The following DOK2 variants were observed in gnomAD, a reference collection of about 807,000 sequenced individuals.
The protein encoded by DOK2 is docking protein 2, also known as docking protein 2, 56kD.
In DOK2, 28 loss-of-function variants were observed where a neutral mutation model predicts 26.0. The observed-to-expected ratio is 1.08, with a 90% CI of 0.80 to 1.48. The LOEUF (loss-of-function observed/expected upper bound fraction) is 1.48. DOK2 is among the 40% of genes most tolerant of loss of function. DOK2 has a pLI of 0.00. For missense variants in DOK2, 682 were observed against 558.2 expected, an observed-to-expected ratio of 1.22 and a Z score of -2.23; for synonymous variants, 282 against 236.9, an observed-to-expected ratio of 1.19 and a Z score of -1.75.
chr8:21,910,033 G>A, intron 4 of DOK2, 102 bp from the exon 5 acceptor site: 1 of 1,334,366 alleles, frequency 7.5e-7, no homozygotes, highest in Non-Finnish European at 1.0e-6. Flanking sequence ...CCAGGCTGGA[G>A]TGCAGTGGCA....
rs376128734 is a variant in DOK2 at position 21,910,660 on chromosome 8, G to A, written c.618+13C>T. The A allele has an allele frequency of 6.2e-7, 1 of 1,613,610 alleles. No homozygotes were observed. Among genetic ancestry groups the A allele is most frequent in the Middle Eastern group, 1.6e-4 (1 of 6,062 alleles). On this transcript the variant is annotated intron_variant, in intron 4 of 4. Coordinates refer to ENST00000276420, the MANE Select transcript of DOK2 (RefSeq NM_003974.4). Reference sequence around the variant, plus strand: ...CTTTCTCTCAACCTGCCCTGATGCAGCTTCCCACTCACCTTGTCCCGCCCA... The same window carrying A: ...CTTTCTCTCAACCTGCCCTGATGCAACTTCCCACTCACCTTGTCCCGCCCA...
chr8:21,911,816 C>T, intron 3 of DOK2, 85 bp downstream of exon 3: 1 of 1,379,002 alleles, frequency 7.3e-7, no homozygotes, highest in Non-Finnish European at 9.7e-7. Context: ...GACTCGGGGC[C>T]AGCAGCTAGC....
chr8:21,909,905 A>G lies in DOK2; in HGVS notation c.645T>C (p.Arg215=). 1 of 1,611,704 alleles carries G rather than the reference A, an allele frequency of 6.2e-7. No homozygotes were observed. The highest frequency in any genetic ancestry group is 8.5e-7 in the Non-Finnish European group (1 of 1,179,548). The stretch of plus-strand genomic sequence containing the variant: ...AGTTGCCCTCTCCAGAGACGCAGCG[A>G]CGGCCTGCCTCAAAGGAAAAGGTTA... The part of the protein sequence containing the change: ...DKVTFSFEAG[R]RCVSGEGNFE... Residue 215 remains arginine (R), a synonymous_variant, in exon 5 of 5, where the codon CGT becomes CGC. Transcript: ENST00000276420.
rs1319734118 is a variant in DOK2, at chr8:21,912,390, G to C, written c.184C>G (p.Leu62Val). 1.2e-6 allele frequency: 2 copies of C among 1,600,184 alleles called. No individual in the cohort carries two copies. Among genetic ancestry groups the C allele is most frequent in the Non-Finnish European group, 1.7e-6 (2 of 1,175,168 alleles). Residue 62 changes from leucine to valine, a missense_variant, in exon 2 of 5, where the codon CTC (leucine) becomes GTC (valine). Transcript: ENST00000276420. The stretch of plus-strand genomic sequence containing the variant: ...TCGGCCACCCGCAGGCAGTCACTGA[G>C]GCGGATGACCTTCCGGGCAGCCTCA... Reference protein sequence around the residue: ...RCEAARKVIRLSDCLRVAEAG... With the variant: ...RCEAARKVIRVSDCLRVAEAG...
Position 21,910,817 on chromosome 8 carries a change from T to A in DOK2, c.474A>T (p.Thr158=). 1.2e-6 allele frequency: 2 copies of A among 1,613,596 alleles called. No individual in the cohort carries two copies. Among genetic ancestry groups the A allele is most frequent in the Non-Finnish European group, 1.7e-6 (2 of 1,179,756 alleles). ...GCAGGTGGCACCTCTCACTGGCTTC[T>A]GTAGGTCTCATGGTCACAGCAAATT... is the stretch of plus-strand genomic sequence containing the variant. ...HKEFAVTMRP[T]EASERCHLRG... is the part of the protein sequence containing the mutation. The change falls in exon 4 of 5, where the codon ACA becomes ACT. Residue 158 remains threonine, a synonymous_variant. Transcript: ENST00000276420.
At chr8:21,911,862 A>G in intron 3 of DOK2, 39 bp downstream of exon 3, 1 of 1,528,324 alleles carries the variant, frequency 6.5e-7, no homozygotes, top group African/African-American at 1.4e-5. Flanking sequence ...CCCTGGGGAG[A>G]GCCCCCAGGG....
intron 3 of DOK2, chr8:21,911,061 A>C: frequency 1.0e-5 from 6 of 592,738 alleles, no homozygotes; most frequent in African/African-American, 1.9e-5. Flanking sequence ...TCCACCCCCT[A>C]CCCTAGTAGG....
intron 3 of DOK2, among the ~76,000 whole-genome samples, chr8:21,911,654 C>T (rs184300720): frequency 9.3e-4 from 142 of 152,194 alleles, no homozygotes; most frequent in African/African-American, 3.3e-3. Flanking sequence ...CCAGCCTTCC[C>T]CTCTCCCACC....
In DOK2 at chr8:21,912,409, A is replaced by G; in HGVS notation, c.165T>C (p.Ala55=). Residue 55 remains alanine, a synonymous_variant, in exon 2 of 5, where the codon GCT becomes GCC. Coordinates refer to ENST00000276420, the MANE Select transcript of DOK2 (RefSeq NM_003974.4). ...CACTGAGGCGGATGACCTTCCGGGC[A>G]GCCTCACACCGACGAGGCTTCTCCG... ...EGPEKPRRCE[A]ARKVIRLSDC... 8 of 1,590,652 alleles carry G rather than the reference A, an allele frequency of 5.0e-6. No individual in the cohort carries two copies. The highest frequency in any genetic ancestry group is 6.8e-6 in the Non-Finnish European group (8 of 1,170,296).
chr8:21,912,092 A>C, intron 2 of DOK2, 104 bp from the exon 3 acceptor site: 1 of 1,476,218 alleles, frequency 6.8e-7, no homozygotes, highest in Non-Finnish European at 9.0e-7. Context: ...CTGTCTGCAC[A>C]CTGGGTTCGG....
chr8:21,909,054 G>A lies in DOK2; in HGVS notation c.*257C>T. 2.5e-6 allele frequency: 1 copy of A among 394,420 alleles called. No individual in the cohort carries two copies. 24.4% of individuals were successfully genotyped at this position (394,420 alleles called of 1,614,324 possible). ...TTGTCCTCTGCCCTAAATGCCCCAG[G>A]TTCCTCCTCAGCTGGGGAAAGAAAG... On this transcript the variant is annotated 3_prime_UTR_variant, in exon 5 of 5. Coordinates refer to ENST00000276420, the MANE Select transcript of DOK2 (RefSeq NM_003974.4).
In DOK2 at chr8:21,909,444, C is replaced by T. The variant is rs1376474759; in HGVS notation, c.1106G>A (p.Arg369Lys). The change falls in exon 5 of 5, where the codon AGG (arginine) becomes AAG (lysine). Residue 369 changes from arginine (R) to lysine (K), a missense_variant. Arg to Lys is a conservative substitution (Grantham distance 26, BLOSUM62 2). Coordinates refer to ENST00000276420, the MANE Select transcript of DOK2 (RefSeq NM_003974.4). ...SPQEPRGEAW[R>K]RQATADRDPA... is the part of the protein sequence containing the mutation. ...GTCCCTGTCAGCTGTCGCCTGCCTC[C>T]TCCATGCCTCACCCCGGGGCTCCTG... The T allele has an allele frequency of 6.8e-6, 11 of 1,613,294 alleles. No homozygotes were observed. Among genetic ancestry groups the T allele is most frequent in the Non-Finnish European group, 8.5e-6 (10 of 1,179,506 alleles).
In DOK2 at chr8:21,909,445, T is replaced by C. The variant is rs771624166; in HGVS notation, c.1105A>G (p.Arg369Gly). The C allele has an allele frequency of 4.3e-6, 7 of 1,613,362 alleles. No individual in the cohort carries two copies. The highest frequency in any genetic ancestry group is 5.1e-6 in the Non-Finnish European group (6 of 1,179,494). Residue 369 changes from arginine (R) to glycine (G), a missense_variant, in exon 5 of 5, where the codon AGG (arginine) becomes GGG (glycine). Transcript: ENST00000276420. ...TCCCTGTCAGCTGTCGCCTGCCTCCTCCATGCCTCACCCCGGGGCTCCTGC... is the reference window on the plus strand; with the variant it reads ...TCCCTGTCAGCTGTCGCCTGCCTCCCCCATGCCTCACCCCGGGGCTCCTGC... ...SPQEPRGEAW[R>G]RQATADRDPA... is the part of the protein sequence containing the mutation.
At chr8:21,911,111 A>C (rs937525211) in intron 3 of DOK2, 6 of 501,774 alleles carry the variant, frequency 1.2e-5, no homozygotes, top group Admixed American at 1.1e-4. Flanking sequence ...CCTCGTGCCC[A>C]CATCCTTCCT....
In DOK2 at chr8:21,912,327, C is replaced by T; in HGVS notation, c.247G>A (p.Ala83Thr). The T allele has an allele frequency of 6.2e-7, 1 of 1,607,260 alleles. No individual in the cohort carries two copies. Among genetic ancestry groups the T allele is most frequent in the Non-Finnish European group, 8.5e-7 (1 of 1,178,364 alleles). Residue 83 changes from alanine (A) to threonine (T), a missense_variant, in exon 2 of 5, where the codon GCC (alanine) becomes ACC (threonine). By Grantham distance (58) the Ala-to-Thr change is moderately conservative. Coordinates refer to ENST00000276420, the MANE Select transcript of DOK2 (RefSeq NM_003974.4). ...CGCTCCTTGGTCTCCAGGAAGAAGGCACTGGTGTCCCGGGGGCTGCTGGCC... is the reference window on the plus strand; with the variant it reads ...CGCTCCTTGGTCTCCAGGAAGAAGGTACTGGTGTCCCGGGGGCTGCTGGCC... ...GEASSPRDTSAFFLETKERLY... is the reference protein window; with the variant it reads ...GEASSPRDTSTFFLETKERLY...
rs1430175757 is a variant in DOK2 at position 21,910,524 on chromosome 8, C to T, written c.618+149G>A. On this transcript the variant is annotated intron_variant, in intron 4 of 4. Transcript: ENST00000276420. ...CCACCTCTTCTCATTCTCCTTCCTT[C>T]TACTCCACTTCTGCCATCTTGTCAC... is the stretch of plus-strand genomic sequence containing the variant. 2.9e-6 allele frequency: 3 copies of T among 1,032,450 alleles called. No homozygotes were observed. The East Asian group carries it at 7.8e-5, about 27-fold the overall frequency. The allele number at this position is 1,032,450 out of a possible 1,614,324, so 64.0% of individuals were successfully genotyped here. A position where few individuals can be genotyped will look rare whatever the true frequency, so the allele number is the denominator to read the frequency against.
chr8:21,910,546 T>C, intron 4 of DOK2, 127 bp downstream of exon 4: 1 of 1,223,624 alleles, frequency 8.2e-7, no homozygotes, highest in South Asian at 1.4e-5. Flanking sequence ...TGCCATCTTG[T>C]CACTCTATTC....
chr8:21,913,295 C>T (rs1809928180), intron 1 of DOK2, among the ~76,000 whole-genome samples: 1 of 152,158 alleles, frequency 6.6e-6, no homozygotes, highest in East Asian at 1.9e-4. Context: ...AGCAGCACAT[C>T]CCCCACCCCC....
At chr8:21,911,801 AG>A (rs1406983814) in intron 3 of DOK2, 99 bp downstream of exon 3, 2 of 1,304,838 alleles carry the variant, frequency 1.5e-6, no homozygotes, top group East Asian at 5.2e-5. Flanking sequence ...ACCACAAGGC[AG>A]GAAGACTCGG....
Sources: allele counts gnomAD v4.1 joint callset (sites outside exome capture counted in the v4.1 genomes callset), GRCh38; gene constraint gnomAD v4.1.1; transcripts MANE v1.5; gene names NCBI Gene and HGNC (gene_info 2026-07-23, HGNC 2026-07-21).